Variants in CNTNAP2 observed in about 807,000 individuals in gnomAD.
The protein encoded by CNTNAP2 is contactin-associated protein-like 2.
A neutral mutation model predicts 155.2 loss-of-function variants in CNTNAP2; 98 were observed. The observed-to-expected ratio is 0.63, with a 90% CI of 0.54 to 0.75. The LOEUF (loss-of-function observed/expected upper bound fraction) is 0.75. CNTNAP2 is among the 30% of genes least tolerant of loss of function. The pLI, the probability that CNTNAP2 is intolerant of heterozygous loss-of-function variation, is 0.00. For synonymous variants in CNTNAP2, 651 were observed against 631.2 expected (o/e 1.03, Z -0.47); for missense variants, 1,727 against 1,688.1 (o/e 1.02, Z -0.40).
chr7:147,311,513 G>A (rs1167261716), intron 9 of CNTNAP2, among the ~76,000 whole-genome samples: 6 of 152,104 alleles, frequency 3.9e-5, no homozygotes, highest in Admixed American at 6.6e-5. Context: ...CAGGCAGCGT[G>A]GCCTCAGCTG....
intron 12 of CNTNAP2, among the ~76,000 whole-genome samples, chr7:147,631,952 C>A (rs1186835541): frequency 6.6e-6 from 1 of 152,088 alleles, no homozygotes; most frequent in Non-Finnish European, 1.5e-5. Context: ...CATCCGAAAG[C>A]AAATGCACCA....
intron 13 of CNTNAP2, among the ~76,000 whole-genome samples, chr7:147,731,889 T>A (rs1157188617): frequency 6.6e-6 from 1 of 152,092 alleles, no homozygotes; most frequent in African/African-American, 2.4e-5. Flanking sequence ...AAGACTCCAG[T>A]GGTGGAAGTA....
At chr7:148,179,460 T>C (rs1360890823) in intron 18 of CNTNAP2, among the ~76,000 whole-genome samples, 1 of 151,462 alleles carries the variant, frequency 6.6e-6, no homozygotes, top group African/African-American at 2.4e-5. Context: ...TCAGCCGAGA[T>C]TGTGCCACTG....
intron 8 of CNTNAP2, among the ~76,000 whole-genome samples, chr7:147,208,381 CTCTT>C (rs1205521107): frequency 2.0e-5 from 3 of 152,072 alleles, no homozygotes; most frequent in African/African-American, 7.2e-5. Context: ...GCAATTATCT[CTCTT>C]TATCCTCACT....
At chr7:146,997,156 A>G (rs1251694096) in intron 3 of CNTNAP2, among the ~76,000 whole-genome samples, 1 of 152,136 alleles carries the variant, frequency 6.6e-6, no homozygotes, top group African/African-American at 2.4e-5. Context: ...GTTTTGTTCT[A>G]GATCTCAGGG....
chr7:147,639,401 G>T, intron 13 of CNTNAP2, 95 bp downstream of exon 13: 4 of 1,176,324 alleles, frequency 3.4e-6, no homozygotes, highest in South Asian at 1.3e-5. Flanking sequence ...TTATCTTATA[G>T]TCTAGTCTTC....
intron 10 of CNTNAP2, among the ~76,000 whole-genome samples, chr7:147,403,394 T>C (rs1291159280): frequency 1.3e-5 from 2 of 152,184 alleles, no homozygotes; most frequent in African/African-American, 2.4e-5. Context: ...GGATGTGTCA[T>C]GGGAATGTCC....
intron 21 of CNTNAP2, among the ~76,000 whole-genome samples, chr7:148,339,123 C>A (rs1388090304): frequency 6.6e-6 from 1 of 152,134 alleles, no homozygotes; most frequent in African/African-American, 2.4e-5. Context: ...CCACAACAAG[C>A]GTAGTGTAAG....
chr7:146,266,188 A>G (rs905923023), intron 1 of CNTNAP2, among the ~76,000 whole-genome samples: 3 of 152,196 alleles, frequency 2.0e-5, no homozygotes, highest in Admixed American at 1.3e-4. Flanking sequence ...TCACAGTGAT[A>G]CTTAGAGACA....
At chr7:147,736,119 A>T (rs967098398) in intron 13 of CNTNAP2, among the ~76,000 whole-genome samples, 114 of 151,498 alleles carry the variant, frequency 7.5e-4, no homozygotes, top group African/African-American at 2.6e-3. Flanking sequence ...CCTAGCCTTG[A>T]TGGTCTTTAC....
intron 1 of CNTNAP2, among the ~76,000 whole-genome samples, chr7:146,383,689 T>C (rs1013312244): frequency 6.6e-6 from 1 of 152,184 alleles, no homozygotes; most frequent in African/African-American, 2.4e-5. Flanking sequence ...ATTTCTTCTG[T>C]TTTATTAGTT....
At chr7:148,288,720 A>G (rs1797134480) in intron 21 of CNTNAP2, among the ~76,000 whole-genome samples, 1 of 152,056 alleles carries the variant, frequency 6.6e-6, no homozygotes. Context: ...TTCCTTTTCA[A>G]AAGAGTCAAA....
At chr7:147,101,352 C>A (rs1328880045) in intron 4 of CNTNAP2, among the ~76,000 whole-genome samples, 1 of 152,204 alleles carries the variant, frequency 6.6e-6, no homozygotes, top group Admixed American at 6.5e-5. Context: ...GGCTCCATTT[C>A]TCGCTCAAGC....
intron 3 of CNTNAP2, among the ~76,000 whole-genome samples, chr7:146,911,824 A>G (rs6967703): frequency 0.24 from 35,774 of 152,074 alleles, 5,417 homozygotes; most frequent in Non-Finnish European, 0.32. Context: ...AAAATAAATA[A>G]TAAAATTTGG....
intron 1 of CNTNAP2, among the ~76,000 whole-genome samples, chr7:146,731,503 C>G (rs1240977355): frequency 1.3e-5 from 2 of 151,156 alleles, no homozygotes; most frequent in Admixed American, 6.6e-5. Flanking sequence ...GAACAGAGTC[C>G]AAGATCTGGG....
At chr7:148,094,556 A>T (rs571549651) in intron 15 of CNTNAP2, among the ~76,000 whole-genome samples, 1 of 152,214 alleles carries the variant, frequency 6.6e-6, no homozygotes, top group South Asian at 2.1e-4. Context: ...GTGGTACTAG[A>T]GTCAGGGAGA....
At chr7:148,066,204 C>T (rs1803257281) in intron 15 of CNTNAP2, among the ~76,000 whole-genome samples, 1 of 152,176 alleles carries the variant, frequency 6.6e-6, no homozygotes, top group South Asian at 2.1e-4. Context: ...TTTTGCCTCA[C>T]AGCTCGTAAG....
chr7:148,401,039 T>A (rs1799572212), intron 22 of CNTNAP2, among the ~76,000 whole-genome samples: 1 of 151,342 alleles, frequency 6.6e-6, no homozygotes, highest in Non-Finnish European at 1.5e-5. Context: ...AAGAAAAAAA[T>A]ATCTGTACGT....
chr7:146,658,322 G>A (rs1001641117), intron 1 of CNTNAP2, among the ~76,000 whole-genome samples: 9 of 151,452 alleles, frequency 5.9e-5, no homozygotes, highest in Non-Finnish European at 1.0e-4. Flanking sequence ...TCTGAGCTAA[G>A]TTATAGTGCT....
Sources: gnomAD v4.1 joint callset for allele counts (sites outside exome capture counted in the v4.1 genomes callset) on GRCh38, gnomAD v4.1.1 for gene constraint, MANE v1.5 for transcripts, NCBI Gene and HGNC (gene_info 2026-07-23, HGNC 2026-07-21) for gene names.